The following ZFHX3 variants were observed in gnomAD, a reference collection of about 807,000 sequenced individuals.
ZFHX3 encodes zinc finger homeobox 3.
ZFHX3 carries 42 observed loss-of-function variants against 279.1 expected under a neutral mutation model. The ratio of observed to expected loss-of-function variants is 0.15; its 90% CI spans 0.12 to 0.19. ZFHX3 has a LOEUF of 0.19. Ranked by LOEUF, ZFHX3 falls within the 10% of genes least tolerant of loss-of-function variation. ZFHX3 has a pLI of 1.00. For missense variants in ZFHX3, 4,981 were observed against 4,754.0 expected, an observed-to-expected ratio of 1.05 and a Z score of -1.40; for synonymous variants, 2,293 against 1,957.8, an observed-to-expected ratio of 1.17 and a Z score of -4.52.
chr16:73,388,912 T>C (rs1398732219), intron 3 of ZFHX3: 2 of 152,210 alleles, frequency 1.3e-5, no homozygotes, highest in African/African-American at 2.4e-5. Context: ...CTGGCGTCTT[T>C]ACATCACGAC....
chr16:73,801,862 C>T (rs569233241), intron 1 of ZFHX3, among the ~76,000 whole-genome samples: 2 of 152,328 alleles, frequency 1.3e-5, no homozygotes, highest in South Asian at 2.1e-4. Context: ...GTTCATTTTA[C>T]TTTCTCTGCC....
chr16:72,888,865 G>A (rs1229549548), intron 4 of ZFHX3, among the ~76,000 whole-genome samples: 2 of 152,202 alleles, frequency 1.3e-5, no homozygotes, highest in East Asian at 1.9e-4. Flanking sequence ...TCAAGAATCT[G>A]GAAGATTCTG....
intron 3 of ZFHX3, among the ~76,000 whole-genome samples, chr16:72,890,767 C>A (rs1466629814): frequency 6.6e-6 from 1 of 152,212 alleles, no homozygotes; most frequent in Non-Finnish European, 1.5e-5. Flanking sequence ...CAAATTCAAC[C>A]CACTGCCTGT....
chr16:73,453,958 A>G (rs1229997660), intron 3 of ZFHX3, among the ~76,000 whole-genome samples: 2 of 152,154 alleles, frequency 1.3e-5, no homozygotes, highest in Non-Finnish European at 2.9e-5. Context: ...TGGGAGCTGT[A>G]ATTCAAGATG....
At chr16:73,429,251 G>T (rs994561166) in intron 3 of ZFHX3, among the ~76,000 whole-genome samples, 6 of 152,176 alleles carry the variant, frequency 3.9e-5, no homozygotes, top group African/African-American at 1.2e-4. Flanking sequence ...GAAGCCGATA[G>T]AGTCCAGCCT....
chr16:73,145,916 T>C (rs1431469965), intron 5 of ZFHX3, among the ~76,000 whole-genome samples: 2 of 152,206 alleles, frequency 1.3e-5, no homozygotes, highest in Admixed American at 6.5e-5. Context: ...AGATTTAGTA[T>C]TCTAACTATC....
intron 1 of ZFHX3, chr16:73,815,847 G>C (rs1960556468): frequency 6.6e-6 from 1 of 152,190 alleles, no homozygotes; most frequent in African/African-American, 2.4e-5. Flanking sequence ...TTACAGGTGT[G>C]AGCCACTGCA....
intron 3 of ZFHX3, among the ~76,000 whole-genome samples, chr16:73,435,502 G>A (rs117476866): frequency 0.048 from 7,363 of 152,230 alleles, 254 homozygotes; most frequent in Non-Finnish European, 0.077. Flanking sequence ...GAGCCACAGC[G>A]CCTGGCCCAA....
intron 5 of ZFHX3, among the ~76,000 whole-genome samples, chr16:73,194,676 T>G (rs1407380414): frequency 6.6e-6 from 1 of 152,250 alleles, no homozygotes; most frequent in African/African-American, 2.4e-5. Flanking sequence ...ATCTTTTTCT[T>G]GAGTGGTATG....
At chr16:73,573,122 T>C (rs2051759057) in intron 2 of ZFHX3, among the ~76,000 whole-genome samples, 1 of 152,202 alleles carries the variant, frequency 6.6e-6, no homozygotes, top group South Asian at 2.1e-4. Flanking sequence ...TTATAGTGAA[T>C]GAGGGGACAG....
At chr16:73,285,616 G>A (rs963598132) in intron 4 of ZFHX3, among the ~76,000 whole-genome samples, 1 of 152,172 alleles carries the variant, frequency 6.6e-6, no homozygotes. Flanking sequence ...ACCATGAAAT[G>A]CATATTTTTT....
At chr16:73,526,055 G>T (rs1442312133) in intron 2 of ZFHX3, among the ~76,000 whole-genome samples, 1 of 152,190 alleles carries the variant, frequency 6.6e-6, no homozygotes, top group African/African-American at 2.4e-5. Flanking sequence ...ATAAAGATGA[G>T]GACGTGCAGG....
chr16:73,016,973 C>T (rs181472099), intron 1 of ZFHX3, among the ~76,000 whole-genome samples: 6 of 151,848 alleles, frequency 4.0e-5, no homozygotes, highest in Non-Finnish European at 7.4e-5. Flanking sequence ...TGCCTATAAT[C>T]CCAGCACTTT....
chr16:72,886,101 T>C (rs766169955), intron 4 of ZFHX3, among the ~76,000 whole-genome samples: 1 of 152,216 alleles, frequency 6.6e-6, no homozygotes, highest in African/African-American at 2.4e-5. Flanking sequence ...AGCCAACCCC[T>C]GGGGAGAGGG....
intron 3 of ZFHX3, among the ~76,000 whole-genome samples, chr16:73,412,854 T>C (rs1323723704): frequency 6.6e-6 from 1 of 152,246 alleles, no homozygotes; most frequent in Non-Finnish European, 1.5e-5. Flanking sequence ...GGCTTTCTTA[T>C]TTGCAACGTG....
intron 4 of ZFHX3, among the ~76,000 whole-genome samples, chr16:73,313,387 A>T (rs1471254341): frequency 6.6e-6 from 1 of 152,230 alleles, no homozygotes; most frequent in Non-Finnish European, 1.5e-5. Context: ...AATAGTCATC[A>T]TCATCACAAC....
chr16:73,079,410 A>T (rs543034388), intron 8 of ZFHX3, among the ~76,000 whole-genome samples: 1 of 152,256 alleles, frequency 6.6e-6, no homozygotes, highest in South Asian at 2.1e-4. Flanking sequence ...CTGTAATCCC[A>T]GCTATCTGGG....
At chr16:73,785,094 C>T (rs1052468292) in intron 1 of ZFHX3, among the ~76,000 whole-genome samples, 3 of 152,108 alleles carry the variant, frequency 2.0e-5, no homozygotes, top group Non-Finnish European at 4.4e-5. Context: ...TTTGTAAGTA[C>T]ATCATGTGTG....
intron 3 of ZFHX3, among the ~76,000 whole-genome samples, chr16:72,911,753 C>T (rs1487426073): frequency 2.6e-5 from 4 of 152,220 alleles, no homozygotes; most frequent in Non-Finnish European, 5.9e-5. Context: ...GTGGCCACCA[C>T]GCTGGACAGC....
Sources: allele counts gnomAD v4.1 joint callset (sites outside exome capture counted in the v4.1 genomes callset), GRCh38; gene constraint gnomAD v4.1.1; transcripts MANE v1.5; gene names NCBI Gene and HGNC (gene_info 2026-07-23, HGNC 2026-07-21).